Variants in DACH2 observed in about 807,000 individuals in gnomAD.
DACH2 encodes dachshund homolog 2.
DACH2 carries 17 observed loss-of-function variants against 35.8 expected under a neutral mutation model. That is an observed-to-expected ratio of 0.48 (90% CI 0.33 to 0.71). DACH2 has a LOEUF of 0.71. DACH2 is among the 30% of genes least tolerant of loss of function. The pLI, the probability that DACH2 is intolerant of heterozygous loss-of-function variation, is 0.02. For synonymous variants in DACH2, 195 were observed against 177.3 expected (o/e 1.10, Z -0.79); for missense variants, 469 against 472.7 (o/e 0.99, Z 0.07).
intron 6 of DACH2, among the ~76,000 whole-genome samples, chrX:86,729,559 TA>T (rs916634937): frequency 3.6e-5 from 4 of 111,293 alleles, no homozygotes; most frequent in Non-Finnish European, 7.5e-5. Flanking sequence ...TGGGGGTGTC[TA>T]GGGGTGGAAT....
At chrX:86,305,839 C>A (rs2034675471) in intron 1 of DACH2, among the ~76,000 whole-genome samples, 1 of 111,045 alleles carries the variant, frequency 9.0e-6, no homozygotes, top group South Asian at 3.8e-4. Flanking sequence ...AGGTATATGA[C>A]AAAATTTTCA....
intron 1 of DACH2, among the ~76,000 whole-genome samples, chrX:86,181,577 G>C (rs935006634): frequency 2.7e-5 from 3 of 111,482 alleles, no homozygotes; most frequent in Admixed American, 9.5e-5. Context: ...TCTTTATCCA[G>C]TCTATCATTG....
At chrX:86,314,727 G>A (rs2034864605) in intron 1 of DACH2, among the ~76,000 whole-genome samples, 1 of 112,066 alleles carries the variant, frequency 8.9e-6, no homozygotes, top group African/African-American at 3.2e-5. Context: ...GAAAGTTTGT[G>A]TGGTCTGGCT....
chrX:86,255,765 A>T (rs2033506836), intron 1 of DACH2, among the ~76,000 whole-genome samples: 1 of 112,365 alleles, frequency 8.9e-6, no homozygotes, highest in Non-Finnish European at 1.9e-5. Flanking sequence ...TGATTATTTT[A>T]AAAATATTTT....
intron 1 of DACH2, among the ~76,000 whole-genome samples, chrX:86,288,660 G>C (rs180742083): frequency 1.8e-4 from 20 of 111,664 alleles, no homozygotes; most frequent in Non-Finnish European, 3.4e-4. Flanking sequence ...TCACCCAGTG[G>C]CTACCACTAC....
chrX:86,422,500 A>C (rs769743625), intron 2 of DACH2, among the ~76,000 whole-genome samples: 1 of 110,459 alleles, frequency 9.1e-6, no homozygotes, highest in Non-Finnish European at 1.9e-5. Flanking sequence ...TTTGAGTCTT[A>C]GTATGAATGG....
chrX:86,165,810 T>A (rs1308749660), intron 1 of DACH2, among the ~76,000 whole-genome samples: 1 of 111,557 alleles, frequency 9.0e-6, no homozygotes, highest in East Asian at 2.8e-4. Context: ...AATGTATCCT[T>A]TGCTGTGCAG....
intron 7 of DACH2, among the ~76,000 whole-genome samples, chrX:86,806,907 T>G (rs1382493735): frequency 8.9e-6 from 1 of 111,925 alleles, no homozygotes; most frequent in Non-Finnish European, 1.9e-5. Context: ...TTGTTGGGAA[T>G]CCAGTGGTGA....
At chrX:86,463,039 C>A (rs958657433) in intron 2 of DACH2, among the ~76,000 whole-genome samples, 13 of 111,199 alleles carry the variant, frequency 1.2e-4, no homozygotes, top group African/African-American at 3.9e-4. Context: ...GGGCTTTGAG[C>A]ATAATATAAA....
intron 1 of DACH2, among the ~76,000 whole-genome samples, chrX:86,231,268 G>A (rs768317237): frequency 1.8e-5 from 2 of 112,582 alleles, no homozygotes; most frequent in East Asian, 5.6e-4. Context: ...CCAGGAGGTG[G>A]CACTTTCCAA....
At chrX:86,822,691 G>T (rs2042524994) in intron 11 of DACH2, among the ~76,000 whole-genome samples, 1 of 111,387 alleles carries the variant, frequency 9.0e-6, no homozygotes, top group Non-Finnish European at 1.9e-5. Flanking sequence ...AAGGGCAGAG[G>T]CTTCTTTACA....
chrX:86,291,599 A>G (rs1476957455), intron 1 of DACH2, among the ~76,000 whole-genome samples: 1 of 109,182 alleles, frequency 9.2e-6, no homozygotes, highest in Non-Finnish European at 1.9e-5. Flanking sequence ...GATACATCCC[A>G]TCAATACCTA....
chrX:86,789,825 T>G (rs1189646957), intron 7 of DACH2, among the ~76,000 whole-genome samples: 2 of 111,885 alleles, frequency 1.8e-5, no homozygotes, highest in Non-Finnish European at 3.8e-5. Flanking sequence ...TAAAATATGA[T>G]GCCAAAAGGA....
chrX:86,678,028 C>T (rs2040840752), intron 4 of DACH2, among the ~76,000 whole-genome samples: 1 of 111,785 alleles, frequency 8.9e-6, no homozygotes, highest in Non-Finnish European at 1.9e-5. Flanking sequence ...TGTGACAAAA[C>T]ATTTGGAGTT....
chrX:86,384,710 T>C (rs2036097227), intron 2 of DACH2, among the ~76,000 whole-genome samples: 1 of 111,900 alleles, frequency 8.9e-6, no homozygotes, highest in African/African-American at 3.2e-5. Flanking sequence ...AAATGTGAAG[T>C]TGTTTTAAAA....
intron 7 of DACH2, among the ~76,000 whole-genome samples, chrX:86,769,797 G>C (rs2041970131): frequency 9.1e-6 from 1 of 110,394 alleles, no homozygotes; most frequent in East Asian, 2.9e-4. Flanking sequence ...ACAAAATGCT[G>C]TTACTGGTTT....
At chrX:86,285,834 C>T (rs1353071398) in intron 1 of DACH2, among the ~76,000 whole-genome samples, 1 of 111,180 alleles carries the variant, frequency 9.0e-6, no homozygotes, top group Non-Finnish European at 1.9e-5. Context: ...TTTCTTTATA[C>T]ATTTCGGTGC....
chrX:86,500,010 C>T (rs1348227394), intron 2 of DACH2, among the ~76,000 whole-genome samples: 1 of 111,302 alleles, frequency 9.0e-6, no homozygotes, highest in African/African-American at 3.3e-5. Context: ...ACAATTGGTG[C>T]CTGCAAGTGG....
intron 1 of DACH2, among the ~76,000 whole-genome samples, chrX:86,250,123 G>T (rs1457815506): frequency 9.0e-6 from 1 of 111,363 alleles, no homozygotes; most frequent in Non-Finnish European, 1.9e-5. Flanking sequence ...CCTGCGTGAT[G>T]AAATAATCTG....
Sources: gnomAD v4.1 joint callset for allele counts (sites outside exome capture counted in the v4.1 genomes callset) on GRCh38, gnomAD v4.1.1 for gene constraint, MANE v1.5 for transcripts, NCBI Gene and HGNC (gene_info 2026-07-23, HGNC 2026-07-21) for gene names.